CNTN3: variants seen among roughly 807,000 people sequenced by gnomAD.
CNTN3 encodes contactin-3.
CNTN3 carries 60 observed loss-of-function variants against 119.1 expected under a neutral mutation model. The ratio of observed to expected loss-of-function variants is 0.50; its 90% CI spans 0.41 to 0.62. The LOEUF is 0.62. Ranked by LOEUF, CNTN3 falls within the 20% of genes least tolerant of loss-of-function variation. CNTN3 has a pLI of 0.00. For missense variants in CNTN3, 1,101 were observed against 1,242.4 expected, an observed-to-expected ratio of 0.89 and a Z score of 1.71; for synonymous variants, 450 against 438.7, an observed-to-expected ratio of 1.03 and a Z score of -0.32.
intron 5 of CNTN3, among the ~76,000 whole-genome samples, chr3:74,378,385 T>G (rs1195985513): frequency 6.6e-6 from 1 of 152,216 alleles, no homozygotes; most frequent in African/African-American, 2.4e-5. Context: ...GTTGTTGCTT[T>G]GTGGATGACA....
intron 10 of CNTN3, 86 bp downstream of exon 10, chr3:74,364,381 T>C (rs930885358): frequency 2.3e-5 from 30 of 1,279,410 alleles, no homozygotes; most frequent in Non-Finnish European, 3.1e-5. Flanking sequence ...AGGAACCTAA[T>C]GTGAAAAGTA....
intron 11 of CNTN3, among the ~76,000 whole-genome samples, chr3:74,359,844 T>G (rs13070106): frequency 7.0e-6 from 1 of 142,414 alleles, no homozygotes; most frequent in Non-Finnish European, 1.5e-5. Context: ...CAATTAAAAA[T>G]TTTTGAACAC....
chr3:74,366,557 T>C (rs1003099722), intron 8 of CNTN3, among the ~76,000 whole-genome samples: 3 of 151,784 alleles, frequency 2.0e-5, no homozygotes, highest in Non-Finnish European at 4.4e-5. Context: ...GCATGTGATG[T>C]GTACTGTGGG....
chr3:74,284,052 C>T (rs960525803), intron 20 of CNTN3, among the ~76,000 whole-genome samples: 1 of 152,052 alleles, frequency 6.6e-6, no homozygotes, highest in Non-Finnish European at 1.5e-5. Flanking sequence ...TTTTTCTATA[C>T]CTAATACAAA....
chr3:74,424,691 T>C (rs1701668118), intron 5 of CNTN3, among the ~76,000 whole-genome samples, 154 bp downstream of exon 5: 1 of 152,222 alleles, frequency 6.6e-6, no homozygotes, highest in Non-Finnish European at 1.5e-5. Flanking sequence ...CTATTTTTTG[T>C]AGTGTTCCTC....
chr3:74,327,104 TCC>T (rs749403932), intron 13 of CNTN3, among the ~76,000 whole-genome samples: 28 of 107,328 alleles, frequency 2.6e-4, no homozygotes, highest in Admixed American at 5.6e-4. Flanking sequence ...GAAGGGTTAA[TCC>T]TTTTTTTTTT....
intron 20 of CNTN3, among the ~76,000 whole-genome samples, chr3:74,271,110 G>A (rs1701766797): frequency 6.6e-6 from 1 of 152,154 alleles, no homozygotes; most frequent in Non-Finnish European, 1.5e-5. Context: ...TTACTCTGCA[G>A]ATACTTGCCT....
intron 20 of CNTN3, among the ~76,000 whole-genome samples, chr3:74,273,219 T>A (rs952103321): frequency 6.6e-6 from 1 of 152,202 alleles, no homozygotes; most frequent in Non-Finnish European, 1.5e-5. Flanking sequence ...ACATTCAGAC[T>A]CATTCTTTCA....
At chr3:74,455,366 G>A (rs538585748) in intron 4 of CNTN3, among the ~76,000 whole-genome samples, 1 of 151,902 alleles carries the variant, frequency 6.6e-6, no homozygotes, top group South Asian at 2.1e-4. Flanking sequence ...GCTCCTTTAA[G>A]CACTTCTCTG....
chr3:74,474,882 C>A (rs1045604825), intron 4 of CNTN3, among the ~76,000 whole-genome samples: 2 of 151,984 alleles, frequency 1.3e-5, no homozygotes, highest in African/African-American at 4.8e-5. Context: ...GTGGTTCCTC[C>A]CCACCGTTCT....
intron 11 of CNTN3, among the ~76,000 whole-genome samples, chr3:74,350,268 A>G (rs1703782867): frequency 6.6e-6 from 1 of 152,178 alleles, no homozygotes; most frequent in African/African-American, 2.4e-5. Context: ...AACATGATGG[A>G]AACAGTTAAG....
At chr3:74,337,274 CTAAT>C (rs1398408934) in intron 11 of CNTN3, among the ~76,000 whole-genome samples, 1 of 152,012 alleles carries the variant, frequency 6.6e-6, no homozygotes, top group African/African-American at 2.4e-5. Flanking sequence ...TGGCATCTGA[CTAAT>C]TAATTAAGGA....
At chr3:74,285,109 C>T (rs774496787) in intron 20 of CNTN3, among the ~76,000 whole-genome samples, 196 bp downstream of exon 20, 3 of 152,146 alleles carry the variant, frequency 2.0e-5, no homozygotes, top group Non-Finnish European at 4.4e-5. Context: ...TTCATTTTCA[C>T]ACTCTACCTA....
intron 1 of CNTN3, among the ~76,000 whole-genome samples, chr3:74,590,385 T>A (rs1241068233): frequency 6.6e-6 from 1 of 152,080 alleles, no homozygotes; most frequent in African/African-American, 2.4e-5. Context: ...AAGACACTTT[T>A]AAGCAGACAA....
At chr3:74,478,887 A>G (rs1702709053) in intron 4 of CNTN3, among the ~76,000 whole-genome samples, 2 of 152,178 alleles carry the variant, frequency 1.3e-5, no homozygotes, top group Admixed American at 6.5e-5. Flanking sequence ...CTTGATGTGG[A>G]TATGAGAAGC....
At chr3:74,543,816 C>T (rs964680486) in intron 1 of CNTN3, among the ~76,000 whole-genome samples, 3 of 152,018 alleles carry the variant, frequency 2.0e-5, no homozygotes, top group Admixed American at 2.0e-4. Flanking sequence ...ACACTCAAGC[C>T]AGGAAGAAAA....
intron 19 of CNTN3, among the ~76,000 whole-genome samples, chr3:74,290,468 C>T (rs990679715): frequency 1.3e-5 from 2 of 152,194 alleles, no homozygotes; most frequent in East Asian, 3.8e-4. Flanking sequence ...ATCTACCTGC[C>T]TTAAGCTGTT....
intron 5 of CNTN3, among the ~76,000 whole-genome samples, chr3:74,402,249 T>C (rs1323016570): frequency 2.0e-5 from 3 of 152,162 alleles, no homozygotes; most frequent in Non-Finnish European, 2.9e-5. Context: ...GTGAAAAATA[T>C]AGGAGCACTG....
intron 11 of CNTN3, among the ~76,000 whole-genome samples, chr3:74,348,876 G>A (rs1282070890): frequency 6.6e-6 from 1 of 151,988 alleles, no homozygotes; most frequent in African/African-American, 2.4e-5. Context: ...GAGGCCAGGA[G>A]TTTGAGACCA....
Sources: gnomAD v4.1 joint callset for allele counts (sites outside exome capture counted in the v4.1 genomes callset) on GRCh38, gnomAD v4.1.1 for gene constraint, MANE v1.5 for transcripts, NCBI Gene and HGNC (gene_info 2026-07-23, HGNC 2026-07-21) for gene names.